RNF13: variants seen among roughly 807,000 people sequenced by gnomAD.
RNF13 encodes the protein ring finger protein 13.
RNF13 carries 19 observed loss-of-function variants against 37.7 expected under a neutral mutation model. That is an observed-to-expected ratio of 0.50 (90% CI 0.35 to 0.74). RNF13 has a LOEUF of 0.74. Among genes scored for constraint, RNF13 ranks in the 30% least tolerant of loss-of-function variants. RNF13 has a pLI of 0.01. For missense variants in RNF13, 375 were observed against 453.0 expected (o/e 0.83, Z 1.56); for synonymous variants, 144 against 157.8 (o/e 0.91, Z 0.65).
chr3:149,941,487 T>C (rs930540213), intron 8 of RNF13, among the ~76,000 whole-genome samples: 5 of 152,174 alleles, frequency 3.3e-5, no homozygotes, highest in Non-Finnish European at 7.4e-5. Context: ...ATATCTTCTT[T>C]GGAGAATTTT....
chr3:149,841,708 CT>C (rs1175378215), intron 1 of RNF13, among the ~76,000 whole-genome samples: 1 of 152,088 alleles, frequency 6.6e-6, no homozygotes, highest in African/African-American at 2.4e-5. Flanking sequence ...CAACCTCTGC[CT>C]CCCGGGTTCA....
chr3:149,948,796 G>A (rs952760003), intron 8 of RNF13, among the ~76,000 whole-genome samples: 1 of 152,210 alleles, frequency 6.6e-6, no homozygotes, highest in Non-Finnish European at 1.5e-5. Flanking sequence ...GGAGGCCAAG[G>A]TGGGCGGATC....
At chr3:149,888,620 A>C (rs1390515555) in intron 4 of RNF13, among the ~76,000 whole-genome samples, 1 of 152,248 alleles carries the variant, frequency 6.6e-6, no homozygotes, top group Non-Finnish European at 1.5e-5. Context: ...TTGTATTTCA[A>C]GTAAATAATG....
At chr3:149,941,348 A>C (rs999821091) in intron 8 of RNF13, among the ~76,000 whole-genome samples, 1 of 152,058 alleles carries the variant, frequency 6.6e-6, no homozygotes, top group Non-Finnish European at 1.5e-5. Flanking sequence ...CCACATGCTC[A>C]ACTTACATTC....
At chr3:149,874,095 T>C (rs1296760032) in intron 4 of RNF13, among the ~76,000 whole-genome samples, 1 of 152,222 alleles carries the variant, frequency 6.6e-6, no homozygotes, top group Non-Finnish European at 1.5e-5. Context: ...CATTGTACTT[T>C]ACCATGTAGG....
chr3:149,961,985 AAC>A lies in RNF13; in HGVS notation c.*884_*885del, dbSNP rs1722485693. On this transcript the variant is annotated 3_prime_UTR_variant, in exon 10 of 10. Coordinates refer to ENST00000392894, the MANE Select transcript of RNF13 (RefSeq NM_183381.3). Reference sequence around the variant, plus strand: ...TTTAACAGAACTAATGATGTATTGAAACACTGTATTATGAAAAGCTAAATTAT... The same window carrying A: ...TTTAACAGAACTAATGATGTATTGAAACTGTATTATGAAAAGCTAAATTAT... 6.6e-6 allele frequency: 1 copy of A among 152,666 alleles called. No individual in the cohort carries two copies. Among genetic ancestry groups the A allele is most frequent in the Non-Finnish European group, 1.5e-5 (1 of 68,032 alleles). The allele number at this position is 152,666 out of a possible 1,614,324, so 9.5% of individuals were successfully genotyped here. A position where few individuals can be genotyped will look rare whatever the true frequency, so the allele number is the denominator to read the frequency against.
chr3:149,842,855 A>C (rs878875298), intron 1 of RNF13, among the ~76,000 whole-genome samples: 7 of 152,188 alleles, frequency 4.6e-5, no homozygotes, highest in Non-Finnish European at 8.8e-5. Flanking sequence ...CTTGAAAGGG[A>C]GGGACGCTCC....
At chr3:149,883,555 T>C (rs747386249) in intron 4 of RNF13, among the ~76,000 whole-genome samples, 7 of 152,176 alleles carry the variant, frequency 4.6e-5, no homozygotes, top group African/African-American at 7.2e-5. Flanking sequence ...AATAATAAAT[T>C]ATAATTTATA....
At chr3:149,887,702 C>T (rs1714203846) in intron 4 of RNF13, among the ~76,000 whole-genome samples, 1 of 152,172 alleles carries the variant, frequency 6.6e-6, no homozygotes, top group South Asian at 2.1e-4. Context: ...CACTTTTACA[C>T]ACTCTCTCTT....
intron 2 of RNF13, among the ~76,000 whole-genome samples, chr3:149,847,998 CCA>C (rs1236441753): frequency 1.3e-5 from 2 of 152,102 alleles, no homozygotes; most frequent in Admixed American, 1.3e-4. Context: ...GCTATAAGTG[CCA>C]CAGTTTCTTT....
At chr3:149,898,933 G>A (rs190917207) in intron 5 of RNF13, among the ~76,000 whole-genome samples, 1 of 152,282 alleles carries the variant, frequency 6.6e-6, no homozygotes, top group East Asian at 1.9e-4. Context: ...TAGAGGCTGA[G>A]TCATGCAGAT....
intron 3 of RNF13, among the ~76,000 whole-genome samples, chr3:149,865,187 TAAAAAC>T (rs1025525861): frequency 6.6e-6 from 1 of 151,316 alleles, no homozygotes; most frequent in Non-Finnish European, 1.5e-5. Context: ...TAAAAAAAAA[TAAAAAC>T]AAGCATCTCC....
chr3:149,813,062 C>G (rs915540243), upstream of RNF13: 2 of 152,326 alleles, frequency 1.3e-5, no homozygotes, highest in African/African-American at 4.8e-5. Flanking sequence ...ACGAGACTCG[C>G]AAACTGGGCA....
chr3:149,836,474 T>C (rs1408781385), intron 1 of RNF13, among the ~76,000 whole-genome samples: 1 of 152,078 alleles, frequency 6.6e-6, no homozygotes, highest in Non-Finnish European at 1.5e-5. Flanking sequence ...ATAAAATAGA[T>C]TTAAAGTGGT....
intron 4 of RNF13, among the ~76,000 whole-genome samples, chr3:149,880,850 A>G (rs1158779201): frequency 6.6e-6 from 1 of 152,130 alleles, no homozygotes; most frequent in Non-Finnish European, 1.5e-5. Context: ...CTGATTGCCA[A>G]CAACCTATGG....
intron 6 of RNF13, among the ~76,000 whole-genome samples, chr3:149,906,845 G>T (rs1216887868): frequency 2.0e-5 from 3 of 151,642 alleles, no homozygotes; most frequent in African/African-American, 7.3e-5. Flanking sequence ...TAGAGCTGGG[G>T]TTTTGCCATG....
intron 8 of RNF13, among the ~76,000 whole-genome samples, chr3:149,935,297 A>G (rs969898491): frequency 2.6e-5 from 4 of 152,142 alleles, no homozygotes; most frequent in Admixed American, 6.5e-5. Context: ...TATCGGCAGC[A>G]GATCATTGGG....
At chr3:149,894,065 G>A (rs1161614777) in intron 4 of RNF13, among the ~76,000 whole-genome samples, 1 of 151,996 alleles carries the variant, frequency 6.6e-6, no homozygotes, top group East Asian at 1.9e-4. Flanking sequence ...TTTAATACTG[G>A]CCTACCCTGT....
intron 7 of RNF13, among the ~76,000 whole-genome samples, chr3:149,917,100 C>G (rs58160657): frequency 6.6e-6 from 1 of 152,046 alleles, no homozygotes; most frequent in Non-Finnish European, 1.5e-5. Context: ...TGTTCTCTGC[C>G]CATTTACTCT....
Sources: allele counts gnomAD v4.1 joint callset (sites outside exome capture counted in the v4.1 genomes callset), GRCh38; gene constraint gnomAD v4.1.1; transcripts MANE v1.5; gene names NCBI Gene and HGNC (gene_info 2026-07-23, HGNC 2026-07-21).